CLVS1: variants seen among roughly 807,000 people sequenced by gnomAD.
The protein encoded by CLVS1 is clavesin-1.
In CLVS1, 10 loss-of-function variants were observed where a neutral mutation model predicts 33.1. That is an observed-to-expected ratio of 0.30 (90% confidence interval 0.19 to 0.51). The LOEUF (loss-of-function observed/expected upper bound fraction) is 0.51, where lower values mean the gene tolerates loss of function less well. Among genes scored for constraint, CLVS1 ranks in the 20% least tolerant of loss-of-function variants. The pLI is 0.97. For synonymous variants in CLVS1, 163 were observed against 166.1 expected (o/e 0.98, Z 0.14); for missense variants, 343 against 433.4 (o/e 0.79, Z 1.85).
chr8:61,392,538 C>T (rs1239620895), intron 3 of CLVS1, among the ~76,000 whole-genome samples: 1 of 152,082 alleles, frequency 6.6e-6, no homozygotes, highest in Non-Finnish European at 1.5e-5. Flanking sequence ...ACCCTTTTAC[C>T]TCTTAAAATC....
intron 2 of CLVS1, among the ~76,000 whole-genome samples, chr8:61,264,048 T>G (rs980267375): frequency 1.3e-5 from 2 of 152,064 alleles, no homozygotes; most frequent in African/African-American, 4.8e-5. Context: ...TTTCAAAAAT[T>G]TCTCTTCAAG....
chr8:61,040,812 C>T, the CLVS1 span, among the ~76,000 whole-genome samples: 45 of 152,176 alleles, frequency 3.0e-4, no homozygotes, highest in Admixed American at 2.1e-3. Flanking sequence ...TTTCTTTCAC[C>T]GTGCAAAAGC....
In CLVS1 at chr8:61,300,107, C is replaced by T. The variant is rs1226241945; in HGVS notation, c.280C>T (p.Leu94=). The change falls in exon 2 of 6, where the codon CTG becomes TTG. Residue 94 remains leucine (L), a synonymous_variant. Transcript: ENST00000325897. ...KFHQADAFRL[L]AQYFQYRQLN... ...TCACCAAGCGGATGCCTTTAGACTC[C>T]TGGCTCAGTATTTCCAGTACCGCCA... 2 of 1,613,908 alleles carry T rather than the reference C, an allele frequency of 1.2e-6. No individual in the cohort carries two copies. Among genetic ancestry groups the T allele is most frequent in the Non-Finnish European group, 1.7e-6 (2 of 1,179,984 alleles).
At chr8:61,223,995 G>A (rs1448625707) in intron 2 of CLVS1, among the ~76,000 whole-genome samples, 4 of 151,948 alleles carry the variant, frequency 2.6e-5, no homozygotes, top group South Asian at 2.1e-4. Flanking sequence ...CGAAGTTCTC[G>A]TGCTATGTTT....
rs200191783 is a variant in CLVS1 at position 61,499,562 on chromosome 8, C to A, written c.*20C>A. The A allele has an allele frequency of 4.1e-5, 65 of 1,588,270 alleles. No homozygotes were observed. The East Asian group carries it at 1.2e-3, about 30-fold the overall frequency. On this transcript the variant is annotated 3_prime_UTR_variant, in exon 6 of 6. Transcript: ENST00000325897. ...GACTGAACCCTGAGTCACCCCAATG[C>A]TCCTGCACACTGGCCTTCAGTGGTA...
At chr8:61,149,569 C>CAAAAAA (rs1212944878) in intron 2 of CLVS1, among the ~76,000 whole-genome samples, 1 of 120,270 alleles carries the variant, frequency 8.3e-6, no homozygotes, top group Non-Finnish European at 1.7e-5. Context: ...AAAAAAAAAA[C>CAAAAAA]AAAAAACAAA....
Position 61,419,449 on chromosome 8 carries a change from G to T in CLVS1, c.631-34692G>T, listed in dbSNP as rs555739002. Among the ~76,000 whole-genome samples the T allele has an allele frequency of 3.4e-5, 5 of 146,980 alleles. No individual in the cohort carries two copies. In the East Asian group the frequency reaches 7.9e-4, roughly 23 times the overall value. On this transcript the variant is annotated intron_variant, in intron 3 of 5. Coordinates refer to ENST00000325897, the MANE Select transcript of CLVS1 (RefSeq NM_173519.3). ...AAGGTGTTGTGGTGAAAATGAGAAA[G>T]AAAATAATGAGGGAAAATGGGGAAT...
intron 5 of CLVS1, among the ~76,000 whole-genome samples, chr8:61,483,280 A>T (rs950056691): frequency 2.0e-5 from 3 of 152,244 alleles, no homozygotes; most frequent in African/African-American, 7.2e-5. Context: ...ATCCCACAGA[A>T]ATACAAATTA....
intron 2 of CLVS1, among the ~76,000 whole-genome samples, chr8:61,153,492 T>A (rs960977132): frequency 2.6e-5 from 4 of 152,158 alleles, no homozygotes; most frequent in African/African-American, 9.7e-5. Context: ...CCAGGGTCAA[T>A]GGTGTGAAGA....
chr8:61,146,867 C>T (rs1233478460), intron 2 of CLVS1, among the ~76,000 whole-genome samples: 1 of 152,198 alleles, frequency 6.6e-6, no homozygotes, highest in Non-Finnish European at 1.5e-5. Context: ...GCGTTTATGT[C>T]ATGGCATGGT....
intron 2 of CLVS1, among the ~76,000 whole-genome samples, chr8:61,177,205 C>T (rs549396204): frequency 3.6e-4 from 55 of 152,302 alleles, no homozygotes; most frequent in African/African-American, 1.3e-3. Flanking sequence ...CCCAACACAC[C>T]GGCTGTGGCA....
chr8:61,076,430 G>T (rs1804911806), intron 1 of CLVS1, among the ~76,000 whole-genome samples: 1 of 152,210 alleles, frequency 6.6e-6, no homozygotes, highest in East Asian at 1.9e-4. Flanking sequence ...GTTAGCAAAT[G>T]TACTGAGTAG....
chr8:61,019,489 G>T, the CLVS1 span, among the ~76,000 whole-genome samples: 4 of 152,084 alleles, frequency 2.6e-5, no homozygotes, highest in Admixed American at 2.0e-4. Flanking sequence ...AAATGAAAGG[G>T]TCAAACTCAA....
intron 1 of CLVS1, among the ~76,000 whole-genome samples, chr8:61,081,921 T>G (rs1332178690): frequency 6.6e-6 from 1 of 152,028 alleles, no homozygotes; most frequent in Admixed American, 6.6e-5. Context: ...CAATAAAAAA[T>G]TACAAGTCAT....
At chr8:61,311,115 T>C (rs892286269) in intron 2 of CLVS1, among the ~76,000 whole-genome samples, 3 of 152,214 alleles carry the variant, frequency 2.0e-5, no homozygotes, top group Admixed American at 1.3e-4. Context: ...ATGCTCAAGA[T>C]ATGATTTCTC....
In CLVS1 at chr8:61,185,316, T is replaced by C. The variant is rs1807323704; in HGVS notation, c.-152+53456T>C. 2.0e-5 allele frequency among the ~76,000 whole-genome samples: 3 copies of C among 151,274 alleles called. No individual in the cohort carries two copies. The East Asian group carries it at 5.8e-4, about 29-fold the overall frequency. ...ACCACCATGCCCGGCTAATTTTTTT[T>C]TTTTTTTTGCATTTTTTTGTACAGT... On this transcript the variant is annotated intron_variant, in intron 2 of 2. Transcript: ENST00000522621.
chr8:61,378,336 A>AAT (rs1327345538), intron 3 of CLVS1: 1 of 152,154 alleles, frequency 6.6e-6, no homozygotes, highest in African/African-American at 2.4e-5. Flanking sequence ...TGGATTACTT[A>AAT]ATACGTCCCT....
At chr8:61,403,815 A>G (rs1212194250) in intron 3 of CLVS1, among the ~76,000 whole-genome samples, 1 of 152,216 alleles carries the variant, frequency 6.6e-6, no homozygotes, top group Non-Finnish European at 1.5e-5. Context: ...AGCTTGGCAC[A>G]GGATTCCACG....
the CLVS1 span, among the ~76,000 whole-genome samples, chr8:61,013,029 A>T: frequency 6.6e-6 from 1 of 151,978 alleles, no homozygotes; most frequent in Non-Finnish European, 1.5e-5. Context: ...CCATCTTGGA[A>T]TCCCTCTCCC....
Sources: allele counts gnomAD v4.1 joint callset (sites outside exome capture counted in the v4.1 genomes callset), GRCh38; gene constraint gnomAD v4.1.1; transcripts MANE v1.5; gene names NCBI Gene and HGNC (gene_info 2026-07-23, HGNC 2026-07-21).